PCMTD1: variants seen among roughly 807,000 people sequenced by gnomAD.
The protein encoded by PCMTD1 is protein-L-isoaspartate (D-aspartate) O-methyltransferase domain containing 1, also known as protein-L-isoaspartate O-methyltransferase domain-containing protein 1.
A neutral mutation model predicts 37.6 loss-of-function variants in PCMTD1; 12 were observed. The observed-to-expected ratio is 0.32, with a 90% CI of 0.20 to 0.52. The LOEUF (loss-of-function observed/expected upper bound fraction) is 0.52. Ranked by LOEUF, PCMTD1 falls within the 20% of genes least tolerant of loss-of-function variation. PCMTD1 has a pLI of 0.97. For missense variants in PCMTD1, 235 were observed against 421.3 expected (o/e 0.56, Z 3.87); for synonymous variants, 117 against 135.8 (o/e 0.86, Z 0.96).
At chr8:51,878,271 A>G (rs1453689469) in intron 1 of PCMTD1, among the ~76,000 whole-genome samples, 1 of 112,590 alleles carries the variant, frequency 8.9e-6, no homozygotes, top group African/African-American at 2.7e-5. Context: ...TTTTTAGCTC[A>G]TCAGCTATCC....
intron 1 of PCMTD1, among the ~76,000 whole-genome samples, chr8:51,865,607 C>A (rs552079883): frequency 1.3e-5 from 2 of 151,786 alleles, no homozygotes; most frequent in Non-Finnish European, 2.9e-5. Context: ...CAGAAAAAGC[C>A]GTTAACAAAA....
chr8:51,859,598 G>A (rs1452809091), intron 2 of PCMTD1, among the ~76,000 whole-genome samples: 1 of 151,968 alleles, frequency 6.6e-6, no homozygotes, highest in Non-Finnish European at 1.5e-5. Context: ...GTGTAGGGAG[G>A]AAATTTCAGA....
intron 2 of PCMTD1, among the ~76,000 whole-genome samples, chr8:51,857,411 A>T (rs546045791): frequency 1.3e-5 from 2 of 152,332 alleles, no homozygotes; most frequent in South Asian, 4.1e-4. Flanking sequence ...TATACAAGAA[A>T]ATGAAAATGA....
At chr8:51,897,845 G>A (rs1025989248) in intron 1 of PCMTD1, among the ~76,000 whole-genome samples, 4 of 152,074 alleles carry the variant, frequency 2.6e-5, no homozygotes, top group African/African-American at 7.2e-5. Flanking sequence ...TAATAAAATG[G>A]AGGAATATCC....
At chr8:51,881,628 G>GT (rs2038793894) in intron 1 of PCMTD1, among the ~76,000 whole-genome samples, 1 of 98,598 alleles carries the variant, frequency 1.0e-5, no homozygotes, top group Non-Finnish European at 2.8e-5. Context: ...ACTACACTTA[G>GT]TAGTTGCCTG....
At chr8:51,834,877 G>C (rs1016144897) in intron 3 of PCMTD1, among the ~76,000 whole-genome samples, 1 of 152,080 alleles carries the variant, frequency 6.6e-6, no homozygotes, top group Admixed American at 6.6e-5. Flanking sequence ...GGGTGGGAAG[G>C]GTCAAGGGTG....
intron 3 of PCMTD1, among the ~76,000 whole-genome samples, chr8:51,843,648 G>C (rs1273032428): frequency 6.6e-6 from 1 of 150,598 alleles, no homozygotes; most frequent in Non-Finnish European, 1.5e-5. Context: ...ACTTATATAA[G>C]TGGTCTTCAA....
intron 1 of PCMTD1, among the ~76,000 whole-genome samples, chr8:51,897,210 G>A (rs1474433547): frequency 2.6e-5 from 4 of 152,166 alleles, no homozygotes; most frequent in African/African-American, 9.7e-5. Context: ...ATACAAGCTA[G>A]TGATTAAATC....
chr8:51,838,088 A>G (rs1479480506), intron 3 of PCMTD1, among the ~76,000 whole-genome samples: 1 of 152,178 alleles, frequency 6.6e-6, no homozygotes, highest in Non-Finnish European at 1.5e-5. Flanking sequence ...CACCCGGCCC[A>G]TAACTTACTT....
At chr8:51,854,973 G>A (rs1284773048) in intron 2 of PCMTD1, among the ~76,000 whole-genome samples, 9 of 149,484 alleles carry the variant, frequency 6.0e-5, no homozygotes, top group Admixed American at 4.0e-4. Flanking sequence ...TCGGGAGTTC[G>A]AGACGAGCCT....
intron 1 of PCMTD1, among the ~76,000 whole-genome samples, chr8:51,865,334 G>A (rs913394009): frequency 2.0e-5 from 3 of 152,082 alleles, no homozygotes; most frequent in African/African-American, 7.2e-5. Context: ...TACGAGGCCA[G>A]TATTGCTCTG....
chr8:51,891,675 A>AAT (rs989394674), intron 1 of PCMTD1, among the ~76,000 whole-genome samples: 17 of 127,004 alleles, frequency 1.3e-4, no homozygotes, highest in African/African-American at 3.9e-4. Flanking sequence ...AAAAACAAAA[A>AAT]ATATATATAT....
intron 1 of PCMTD1, among the ~76,000 whole-genome samples, chr8:51,883,003 G>A (rs967143599): frequency 6.6e-6 from 1 of 151,378 alleles, no homozygotes; most frequent in East Asian, 1.9e-4. Flanking sequence ...CAGGCGTGGT[G>A]GTGGGCGCCT....
At chr8:51,839,625 G>A in intron 3 of PCMTD1, 1 of 985,242 alleles carries the variant, frequency 1.0e-6, no homozygotes, top group Non-Finnish European at 1.2e-6. Flanking sequence ...GGATAGTCTA[G>A]GTCTAGGAGC....
At chr8:51,880,590 A>G (rs976188540) in intron 1 of PCMTD1, among the ~76,000 whole-genome samples, 4 of 152,130 alleles carry the variant, frequency 2.6e-5, no homozygotes, top group Admixed American at 6.5e-5. Context: ...AACCTTTTCA[A>G]TCTCCAAAGG....
intron 2 of PCMTD1, chr8:51,849,547 AAAAC>A (rs2038274005): frequency 6.6e-6 from 1 of 152,286 alleles, no homozygotes; most frequent in Non-Finnish European, 1.5e-5. Flanking sequence ...AAAGTTTATT[AAAAC>A]AAATACAGTT....
chr8:51,840,717 T>C (rs1013476091), intron 3 of PCMTD1, among the ~76,000 whole-genome samples: 2 of 152,120 alleles, frequency 1.3e-5, no homozygotes, highest in African/African-American at 4.8e-5. Context: ...AAAATTAGGA[T>C]AGTAGATATG....
intron 2 of PCMTD1, among the ~76,000 whole-genome samples, chr8:51,858,416 A>G (rs537498835): frequency 1.3e-5 from 2 of 152,224 alleles, no homozygotes; most frequent in African/African-American, 2.4e-5. Flanking sequence ...ACTTTTGTTA[A>G]TAAGGTGGCT....
chr8:51,822,948 C>CACTGTAATTATGTTCTTCCTTTGCCAAT (rs1258999956), intron 5 of PCMTD1, among the ~76,000 whole-genome samples: 2 of 152,222 alleles, frequency 1.3e-5, no homozygotes, highest in Non-Finnish European at 2.9e-5. Context: ...TCTCTGTCAA[C>CACTGTAATTATGTTCTTCCTTTGCCAAT]ACTGTAATTA....
Sources: allele counts gnomAD v4.1 joint callset (sites outside exome capture counted in the v4.1 genomes callset), GRCh38; gene constraint gnomAD v4.1.1; transcripts MANE v1.5; gene names NCBI Gene and HGNC (gene_info 2026-07-23, HGNC 2026-07-21).